The following MFHAS1 variants were observed in gnomAD, a reference collection of about 807,000 sequenced individuals.
MFHAS1 encodes the protein malignant fibrous histiocytoma-amplified sequence 1.
Under a neutral mutation model 70.4 loss-of-function variants are expected in MFHAS1, and 50 were observed. That is an observed-to-expected ratio of 0.71 (90% confidence interval 0.57 to 0.90). MFHAS1 has a LOEUF of 0.90. MFHAS1 is among the 40% of genes least tolerant of loss of function. The pLI, the probability that MFHAS1 is intolerant of heterozygous loss-of-function variation, is 0.00. For synonymous variants in MFHAS1, 952 were observed against 620.0 expected, an observed-to-expected ratio of 1.54 and a Z score of -7.96; for missense variants, 1,795 against 1,347.6, an observed-to-expected ratio of 1.33 and a Z score of -5.20.
At chr8:8,855,740 C>T (rs1808414811) in intron 1 of MFHAS1, among the ~76,000 whole-genome samples, 1 of 152,124 alleles carries the variant, frequency 6.6e-6, no homozygotes, top group Non-Finnish European at 1.5e-5. Flanking sequence ...CCTGTAATCC[C>T]AGCTACTTGG....
intron 1 of MFHAS1, among the ~76,000 whole-genome samples, chr8:8,830,695 C>T (rs1308489109): frequency 2.0e-5 from 3 of 152,146 alleles, no homozygotes; most frequent in Admixed American, 6.5e-5. Context: ...CTCCGCCACC[C>T]GGTTTCAAGT....
Position 8,892,177 on chromosome 8 carries a change from G to A in MFHAS1, c.882C>T (p.Pro294=), listed in dbSNP as rs561191047. 54 of 1,610,406 alleles carry A rather than the reference G, an allele frequency of 3.4e-5. No individual in the cohort carries two copies. The highest frequency in any genetic ancestry group is 1.3e-4 in the East Asian group (6 of 44,868). ...LFEEFPAALL[P]LAGLEELYLS... ...GGTAGAGCTCCTCCAGACCAGCCAG[G>A]GGCAGCAGCGCGGCAGGGAACTCCT... Residue 294 remains proline, a synonymous_variant, in exon 1 of 3, where the codon CCC becomes CCT. Transcript: ENST00000276282. The surrounding 1 kb of genome is among the most constrained non-coding windows in gnomAD (Gnocchi z 4.7).
chr8:8,814,436 C>G (rs1413298391), intron 1 of MFHAS1, among the ~76,000 whole-genome samples: 2 of 152,200 alleles, frequency 1.3e-5, no homozygotes, highest in African/African-American at 4.8e-5. Context: ...TGTAAGTGCA[C>G]TCTGTCATGT....
intron 1 of MFHAS1, among the ~76,000 whole-genome samples, chr8:8,839,295 T>C (rs546029352): frequency 8.3e-4 from 126 of 152,296 alleles, no homozygotes; most frequent in African/African-American, 2.9e-3. Context: ...TTTCTCCACA[T>C]CTTCATCCAA....
In MFHAS1 at chr8:8,786,016, C is replaced by G; in HGVS notation, c.*6G>C. 1 of 1,614,120 alleles carries G rather than the reference C, an allele frequency of 6.2e-7. No individual in the cohort carries two copies. Among genetic ancestry groups the G allele is most frequent in the Non-Finnish European group, 8.5e-7 (1 of 1,180,000 alleles). ...TTTCTCCATGGAAATTCCACAGCCA[C>G]AAACGTCACTGGTTTCTGTGCTTTT... is the stretch of plus-strand genomic sequence containing the variant. On this transcript the variant is annotated 3_prime_UTR_variant, in exon 3 of 3. Coordinates refer to ENST00000276282, the MANE Select transcript of MFHAS1 (RefSeq NM_004225.3).
At chr8:8,845,675 T>C (rs1417245017) in intron 1 of MFHAS1, among the ~76,000 whole-genome samples, 3 of 152,230 alleles carry the variant, frequency 2.0e-5, no homozygotes, top group Non-Finnish European at 4.4e-5. Flanking sequence ...TGTTATACTC[T>C]GAGATTTGTT....
At chr8:8,864,802 G>T (rs1346214584) in intron 1 of MFHAS1, among the ~76,000 whole-genome samples, 1 of 152,076 alleles carries the variant, frequency 6.6e-6, no homozygotes, top group Non-Finnish European at 1.5e-5. Context: ...AAAAGGAAAG[G>T]GAAGGAGAGA....
chr8:8,799,186 A>G (rs1278448114), intron 1 of MFHAS1, among the ~76,000 whole-genome samples: 3 of 152,224 alleles, frequency 2.0e-5, no homozygotes, highest in African/African-American at 7.2e-5. Flanking sequence ...TATACAGACT[A>G]TGTTTTTGCC....
intron 1 of MFHAS1, among the ~76,000 whole-genome samples, chr8:8,815,375 T>A (rs576942412): frequency 3.2e-4 from 49 of 152,316 alleles, no homozygotes; most frequent in South Asian, 6.2e-4. Context: ...CCTTTAAGTA[T>A]ATACCCAGTA....
intron 1 of MFHAS1, among the ~76,000 whole-genome samples, chr8:8,849,647 G>A (rs1302153198): frequency 6.6e-6 from 1 of 152,206 alleles, no homozygotes; most frequent in Non-Finnish European, 1.5e-5. Flanking sequence ...GTGTCTCCTG[G>A]TCAAGAAATG....
intron 1 of MFHAS1, among the ~76,000 whole-genome samples, chr8:8,811,042 T>C (rs1330800810): frequency 6.6e-6 from 1 of 152,090 alleles, no homozygotes; most frequent in Non-Finnish European, 1.5e-5. Context: ...CTTTTGCTCA[T>C]GAATAATATC....
chr8:8,825,793 A>G (rs1807135829), intron 1 of MFHAS1, among the ~76,000 whole-genome samples: 1 of 152,202 alleles, frequency 6.6e-6, no homozygotes, highest in South Asian at 2.1e-4. Context: ...CAATTCAGCC[A>G]TAACAAAGGC....
chr8:8,890,894 A>G lies in MFHAS1; in HGVS notation c.2165T>C (p.Leu722Pro). The change falls in exon 1 of 3, where the codon CTC becomes CCC. Residue 722 changes from leucine to proline, a missense_variant. Coordinates refer to ENST00000276282, the MANE Select transcript of MFHAS1 (RefSeq NM_004225.3). ...KLLYFEDSPA[L>P]KEHVFHNLTR... ...GAGGTTGTGGAAGACGTGCTCCTTG[A>G]GAGCCGGACTGTCCTCAAAGTAGAG... 6.2e-7 allele frequency: 1 copy of G among 1,614,100 alleles called. No individual in the cohort carries two copies.
At chr8:8,805,978 G>A (rs1806275178) in intron 1 of MFHAS1, among the ~76,000 whole-genome samples, 1 of 152,206 alleles carries the variant, frequency 6.6e-6, no homozygotes. Flanking sequence ...GGGATTACAG[G>A]CGTGAGCCAC....
intron 1 of MFHAS1, among the ~76,000 whole-genome samples, chr8:8,817,415 T>C (rs542966464): frequency 9.8e-5 from 15 of 152,376 alleles, no homozygotes; most frequent in African/African-American, 3.6e-4. Flanking sequence ...AACCTACACA[T>C]ACTTGACTTT....
At chr8:8,787,837 T>C (rs891458540) in intron 2 of MFHAS1, among the ~76,000 whole-genome samples, 1 of 152,274 alleles carries the variant, frequency 6.6e-6, no homozygotes, top group African/African-American at 2.4e-5. Flanking sequence ...AACACAAGAA[T>C]ACCTAATCAA....
chr8:8,851,162 G>C (rs1474857126), intron 1 of MFHAS1, among the ~76,000 whole-genome samples: 1 of 152,206 alleles, frequency 6.6e-6, no homozygotes, highest in Non-Finnish European at 1.5e-5. Context: ...CTAACCCTTG[G>C]TGGTTTTCAG....
At chr8:8,868,053 A>C (rs971038198) in intron 1 of MFHAS1, among the ~76,000 whole-genome samples, 2 of 152,002 alleles carry the variant, frequency 1.3e-5, no homozygotes, top group Admixed American at 1.3e-4. Flanking sequence ...GTCCAGACTG[A>C]CTTTTATCAT....
In MFHAS1 at chr8:8,891,382, G is replaced by A. The variant is rs369023287; in HGVS notation, c.1677C>T (p.Ala559=). 2 of 1,611,732 alleles carry A rather than the reference G, an allele frequency of 1.2e-6. No homozygotes were observed. Among genetic ancestry groups the A allele is most frequent in the Non-Finnish European group, 8.5e-7 (1 of 1,180,008 alleles). ...CCTCCGCGTCGTGCTTCTCCTGCAG[G>A]GCGATCTGGCGGTGAATGTCCAGAC... is the stretch of plus-strand genomic sequence containing the variant. The part of the protein sequence containing the change: ...EKCLDIHRQI[A]LQEKHDAEGL... Residue 559 remains alanine, a synonymous_variant, in exon 1 of 3, where the codon GCC becomes GCT. Transcript: ENST00000276282. This position sits in a 1 kb window ranked among gnomAD's most constrained non-coding sequence, Gnocchi z 5.4.
Sources: allele counts gnomAD v4.1 joint callset (sites outside exome capture counted in the v4.1 genomes callset), GRCh38; gene constraint gnomAD v4.1.1; non-coding constraint Gnocchi (gnomAD v3.1); transcripts MANE v1.5; gene names NCBI Gene and HGNC (gene_info 2026-07-23, HGNC 2026-07-21).